Variants in SDK1 observed in about 807,000 individuals in gnomAD.
The protein encoded by SDK1 is sidekick cell adhesion molecule 1.
SDK1 carries 157 observed loss-of-function variants against 245.5 expected under a neutral mutation model. That is an observed-to-expected ratio of 0.64 (90% CI 0.56 to 0.73). The LOEUF is 0.73. SDK1 is among the 30% of genes least tolerant of loss of function. SDK1 has a pLI of 0.00. For missense variants in SDK1, 3,583 were observed against 3,002.3 expected (o/e 1.19, Z -4.52); for synonymous variants, 1,647 against 1,278.5 (o/e 1.29, Z -6.15).
intron 4 of SDK1, among the ~76,000 whole-genome samples, chr7:3,648,287 TAACTC>T (rs952184760): frequency 4.4e-4 from 67 of 152,374 alleles, no homozygotes; most frequent in African/African-American, 1.6e-3. Context: ...CACAAAATCT[TAACTC>T]TGTACAGTGC....
chr7:3,858,315 G>T (rs1226971631), intron 5 of SDK1, among the ~76,000 whole-genome samples: 2 of 152,226 alleles, frequency 1.3e-5, no homozygotes, highest in East Asian at 3.9e-4. Flanking sequence ...TACTCAGGAG[G>T]CTAAGAGCGG....
At chr7:3,956,935 A>G (rs1055858050) in intron 7 of SDK1, among the ~76,000 whole-genome samples, 1 of 152,184 alleles carries the variant, frequency 6.6e-6, no homozygotes, top group African/African-American at 2.4e-5. Context: ...GGACTGTACC[A>G]GGCGACAACG....
chr7:3,985,371 T>C (rs2128138535), intron 13 of SDK1, among the ~76,000 whole-genome samples: 1 of 152,372 alleles, frequency 6.6e-6, no homozygotes, highest in East Asian at 1.9e-4. Flanking sequence ...TTGGTTTGGT[T>C]TCAGACCACA....
rs556670281 is a variant in SDK1, at chr7:4,143,976, C to T, written c.4229-1746C>T. Among the ~76,000 whole-genome samples, 125 of 152,322 alleles carry T rather than the reference C, an allele frequency of 8.2e-4. 2 individuals carry two copies. The highest frequency in any genetic ancestry group is 2.9e-3 in the African/African-American group (120 of 41,574). On this transcript the variant is annotated intron_variant, in intron 28 of 44. Coordinates refer to ENST00000404826, the MANE Select transcript of SDK1 (RefSeq NM_152744.4). Reference sequence around the variant, plus strand: ...TCACGCTCTCCTCACCGTCAGAGTGCGGGGCGGCCAGGAGCCCCGAAGCCT... The same window carrying T: ...TCACGCTCTCCTCACCGTCAGAGTGTGGGGCGGCCAGGAGCCCCGAAGCCT...
chr7:3,448,493 T>C (rs1311620816), intron 1 of SDK1, among the ~76,000 whole-genome samples: 2 of 152,152 alleles, frequency 1.3e-5, no homozygotes, highest in African/African-American at 4.8e-5. Context: ...TAAATTAAAA[T>C]ATATGTAATC....
In SDK1 at chr7:4,026,789, A is replaced by G. The variant is rs1320685091; in HGVS notation, c.2602+9437A>G. Among the ~76,000 whole-genome samples, 1 of 152,158 alleles carries G rather than the reference A, an allele frequency of 6.6e-6. No individual in the cohort carries two copies. The highest frequency in any genetic ancestry group is 1.5e-5 in the Non-Finnish European group (1 of 68,042). ...CAACGCGAGAACTCAGCCGTGGCCC[A>G]TAACAATCTGGAATTAACGATAACA... On this transcript the variant is annotated intron_variant, in intron 17 of 44. Transcript: ENST00000404826. The surrounding 1 kb of genome is among the most constrained non-coding windows in gnomAD (Gnocchi z 4.1).
chr7:3,390,316 A>G (rs941029257), intron 1 of SDK1, among the ~76,000 whole-genome samples: 1 of 152,206 alleles, frequency 6.6e-6, no homozygotes, highest in Non-Finnish European at 1.5e-5. Flanking sequence ...ATATATCTCT[A>G]TAAAAGAGTT....
At chr7:3,952,001 G>A (rs965257776) in intron 7 of SDK1, 81 bp downstream of exon 7, 49 of 1,296,482 alleles carry the variant, frequency 3.8e-5, no homozygotes, top group South Asian at 3.0e-4. Context: ...ACAAAATAGC[G>A]TATTTCAGTG....
intron 1 of SDK1, among the ~76,000 whole-genome samples, chr7:3,606,575 C>T (rs771469948): frequency 6.6e-6 from 1 of 152,168 alleles, no homozygotes; most frequent in Non-Finnish European, 1.5e-5. Flanking sequence ...GGTCTTAGAA[C>T]ACAGTGGACT....
At chr7:3,781,115 T>C (rs1780722184) in intron 4 of SDK1, among the ~76,000 whole-genome samples, 1 of 151,972 alleles carries the variant, frequency 6.6e-6, no homozygotes, top group Non-Finnish European at 1.5e-5. Flanking sequence ...GAATCATGAA[T>C]TTCCTAAGGA....
chr7:3,554,838 A>G lies in SDK1; in HGVS notation c.299-64242A>G, dbSNP rs528058810. Among the ~76,000 whole-genome samples the G allele has an allele frequency of 5.3e-5, 8 of 152,334 alleles. No homozygotes were observed. In the East Asian group the frequency reaches 1.3e-3, roughly 26 times the overall value. On this transcript the variant is annotated intron_variant, in intron 1 of 44. Coordinates refer to ENST00000404826, the MANE Select transcript of SDK1 (RefSeq NM_152744.4). ...AAATCAAGAAACTAATCCCATTTAC[A>G]ATAGCTACAAAAAAATACTAGGAAT... is the stretch of plus-strand genomic sequence containing the variant.
At chr7:3,527,491 G>C (rs980601187) in intron 1 of SDK1, among the ~76,000 whole-genome samples, 2 of 152,210 alleles carry the variant, frequency 1.3e-5, no homozygotes, top group South Asian at 4.1e-4. Context: ...AGGCCCTGAG[G>C]CTGGAGTGTC....
chr7:3,973,865 G>A (rs926472475), intron 12 of SDK1, among the ~76,000 whole-genome samples: 2 of 151,572 alleles, frequency 1.3e-5, no homozygotes, highest in African/African-American at 4.8e-5. Flanking sequence ...ATTATTTTTT[G>A]GTTTAATTCA....
chr7:3,900,269 C>A (rs972926956), intron 5 of SDK1, among the ~76,000 whole-genome samples: 2 of 152,160 alleles, frequency 1.3e-5, no homozygotes, highest in African/African-American at 2.4e-5. Context: ...TAAAGTGGTT[C>A]CCCTCAAATA....
intron 5 of SDK1, among the ~76,000 whole-genome samples, chr7:3,845,376 G>C (rs1780250294): frequency 6.6e-6 from 1 of 150,912 alleles, no homozygotes; most frequent in Non-Finnish European, 1.5e-5. Context: ...TGTAATCCCA[G>C]CTACTTAGGA....
chr7:3,389,379 C>T (rs370363498), intron 1 of SDK1, among the ~76,000 whole-genome samples: 55 of 152,044 alleles, frequency 3.6e-4, no homozygotes, highest in East Asian at 1.2e-3. Flanking sequence ...AAGACAACTA[C>T]GAGACATAAA....
In SDK1 at chr7:4,084,680, T is replaced by TGTTAC. The variant is rs1335614479; in HGVS notation, c.3324+5100_3324+5101insCGTTA. 1.8e-4 allele frequency among the ~76,000 whole-genome samples: 14 copies of TGTTAC among 79,026 alleles called. No individual in the cohort carries two copies. In the East Asian group the frequency reaches 3.7e-3, roughly 21 times the overall value. The allele number at this position is 79,026 out of a possible 152,430, so 51.8% of individuals were successfully genotyped here. A position where few individuals can be genotyped will look rare whatever the true frequency, so the allele number is the denominator to read the frequency against. On this transcript the variant is annotated intron_variant, in intron 22 of 44. Coordinates refer to ENST00000404826, the MANE Select transcript of SDK1 (RefSeq NM_152744.4). ...TAAATGTATATGTTATGTTACGTTATGTTATGTTATGTTATGTTATGTTAT... is the reference window on the plus strand; with the variant it reads ...TAAATGTATATGTTATGTTACGTTATGTTACGTTATGTTATGTTATGTTATGTTAT...
At chr7:3,922,731 A>G (rs551030479) in intron 5 of SDK1, among the ~76,000 whole-genome samples, 294 of 152,318 alleles carry the variant, frequency 1.9e-3, no homozygotes, top group Admixed American at 3.1e-3. Context: ...CTGGGCTGCA[A>G]CTGTGGTGGG....
At chr7:4,044,335 G>A (rs1788858366) in intron 17 of SDK1, among the ~76,000 whole-genome samples, 1 of 152,202 alleles carries the variant, frequency 6.6e-6, no homozygotes, top group Admixed American at 6.5e-5. Context: ...TAGTTTATTA[G>A]GACCTGGATC....
Sources: gnomAD v4.1 joint callset for allele counts (sites outside exome capture counted in the v4.1 genomes callset) on GRCh38, gnomAD v4.1.1 for gene constraint, Gnocchi (gnomAD v3.1) non-coding constraint, MANE v1.5 for transcripts, NCBI Gene and HGNC (gene_info 2026-07-23, HGNC 2026-07-21) for gene names.